CDAN1: variants seen among roughly 807,000 people sequenced by gnomAD.
The protein encoded by CDAN1 is codanin-1.
In CDAN1, 107 loss-of-function variants were observed where a neutral mutation model predicts 139.8. The observed-to-expected ratio is 0.77, with a 90% CI of 0.65 to 0.90. CDAN1 has a LOEUF of 0.90. Ranked by LOEUF, CDAN1 falls within the 40% of genes least tolerant of loss-of-function variation. The pLI is 0.00. For synonymous variants in CDAN1, 776 were observed against 660.6 expected, an observed-to-expected ratio of 1.17 and a Z score of -2.68; for missense variants, 1,667 against 1,575.7, an observed-to-expected ratio of 1.06 and a Z score of -0.98.
intron 6 of CDAN1, 131 bp from the exon 7 acceptor site, chr15:42,734,477 A>T: frequency 9.0e-7 from 1 of 1,107,908 alleles, no homozygotes; most frequent in Non-Finnish European, 1.3e-6. Flanking sequence ...CTGCAAGGTC[A>T]TGGGCCAAGG....
chr15:42,736,271 A>G, intron 2 of CDAN1, 31 bp downstream of exon 2: 1 of 1,612,486 alleles, frequency 6.2e-7, no homozygotes. Context: ...CCTTCGTGGT[A>G]CCCATCTCCT....
rs937231408 is a variant in CDAN1, at chr15:42,736,531, G to T, written c.340C>A (p.Pro114Thr). Residue 114 changes from proline (P) to threonine (T), a missense_variant, in exon 2 of 28, where the codon CCT becomes ACT. Physicochemically the swap from Pro to Thr is conservative, Grantham distance 38 (BLOSUM62 -1). This residue lies in a region of CDAN1 where 487 missense variants were observed against 422.2 expected (regional missense o/e 1.15). Coordinates refer to ENST00000356231, the MANE Select transcript of CDAN1 (RefSeq NM_138477.4). Reference sequence around the variant, plus strand: ...CTCCTGCCCCCGCGGCGGGCCAGAGGGGCCTCGGCAGCGGTGCTCTGGGCC... The same window carrying T: ...CTCCTGCCCCCGCGGCGGGCCAGAGTGGCCTCGGCAGCGGTGCTCTGGGCC... ...TEAQSTAAEA[P>T]LARRGGRRRG... 4.8e-6 allele frequency: 7 copies of T among 1,452,570 alleles called. No homozygotes were observed. The highest frequency in any genetic ancestry group is 6.3e-6 in the Non-Finnish European group (7 of 1,104,406). The allele number at this position is 1,452,570 out of a possible 1,614,324, so 90.0% of individuals were successfully genotyped here. A position where few individuals can be genotyped will look rare whatever the true frequency, so the allele number is the denominator to read the frequency against.
chr15:42,724,678 T>C, intron 27 of CDAN1, 62 bp from the exon 28 acceptor site: 1 of 1,539,374 alleles, frequency 6.5e-7, no homozygotes, highest in Non-Finnish European at 8.8e-7. Context: ...GGCTCATCCT[T>C]TGTCACTAAA....
intron 9 of CDAN1, among the ~76,000 whole-genome samples, chr15:42,732,815 C>CAA (rs11448522): frequency 1.1e-4 from 17 of 151,856 alleles, no homozygotes; most frequent in Non-Finnish European, 1.9e-4. Flanking sequence ...TGACTTGGGC[C>CAA]AAAAAAACCT....
chr15:42,725,071 T>G, intron 27 of CDAN1, 73 bp downstream of exon 27: 20 of 1,292,788 alleles, frequency 1.5e-5, no homozygotes, highest in Non-Finnish European at 2.2e-5. Flanking sequence ...GCCCCATCAC[T>G]TGCTTCCTTT....
chr15:42,728,099 CGAGCACT>C, intron 21 of CDAN1, 66 bp from the exon 22 acceptor site: 2 of 1,587,212 alleles, frequency 1.3e-6, no homozygotes, highest in Non-Finnish European at 1.7e-6. Context: ...ATGCCAGAGT[CGAGCACT>C]GACCCCGCCC....
rs765741819 is a variant in CDAN1 at position 42,731,762 on chromosome 15, T to C, written c.1597A>G (p.Met533Val). ...CGCCCCAGCTTGTCAGCTCCCAGCA[T>C]ACTCAACACATCTGGGGCCTCGCCC... The part of the protein sequence containing the change: ...VLGEAPDVLS[M>V]LGADKLGRLW... The change falls in exon 11 of 28, where the codon ATG (methionine) becomes GTG (valine). Residue 533 changes from methionine (M) to valine (V), a missense_variant. Around this residue, in one of 3 missense-constraint regions of CDAN1, gnomAD observed 244 missense variants for 309.4 expected, o/e 0.79. Transcript: ENST00000356231. 6 of 1,614,006 alleles carry C rather than the reference T, an allele frequency of 3.7e-6. No homozygotes were observed. The highest frequency in any genetic ancestry group is 5.1e-6 in the Non-Finnish European group (6 of 1,180,048).
At chr15:42,731,461 C>T (rs2061610652) in intron 11 of CDAN1, 130 bp from the exon 12 acceptor site, 1 of 1,454,412 alleles carries the variant, frequency 6.9e-7, no homozygotes, top group Non-Finnish European at 9.6e-7. Flanking sequence ...TGAAATCACC[C>T]ACGTGGGTGA....
At chr15:42,730,814 G>T in intron 13 of CDAN1, 50 bp from the exon 14 acceptor site, 1 of 1,612,942 alleles carries the variant, frequency 6.2e-7, no homozygotes, top group South Asian at 1.1e-5. Flanking sequence ...GAAGGGCTGG[G>T]AGATGCCCTT....
At chr15:42,732,449 G>A (rs373093211) in intron 9 of CDAN1, 41 bp from the exon 10 acceptor site, 7 of 1,573,848 alleles carry the variant, frequency 4.4e-6, no homozygotes, top group Non-Finnish European at 6.1e-6. Flanking sequence ...TGGAAAGGAG[G>A]GAGAGGGAGA....
chr15:42,724,670 C>G (rs996966290), intron 27 of CDAN1, 54 bp from the exon 28 acceptor site: 6 of 1,544,714 alleles, frequency 3.9e-6, no homozygotes, highest in African/African-American at 2.8e-5. Context: ...TTCTCAATGG[C>G]TCATCCTTTG....
At position 42,725,605 on chromosome 15, in the gene CDAN1, T is replaced by G. The variant is rs1398090227; in HGVS notation, c.3334A>C (p.Arg1112=). Residue 1112 remains arginine (R), a synonymous_variant, in exon 26 of 28, where the codon AGG becomes CGG. Coordinates refer to ENST00000356231, the MANE Select transcript of CDAN1 (RefSeq NM_138477.4). ...QYRLERGQAR[R]LLHMLLSLWK... ...AAGGAAAGCAGCATGTGCAGAAGCC[T>G]TCGAGCCTGCCCTCTCTCCAGCCTG... 4 of 1,614,110 alleles carry G rather than the reference T, an allele frequency of 2.5e-6. No individual in the cohort carries two copies. Among genetic ancestry groups the G allele is most frequent in the East Asian group, 2.2e-5 (1 of 44,868 alleles).
chr15:42,726,493 T>A, intron 23 of CDAN1, 76 bp from the exon 24 acceptor site: 1 of 1,184,232 alleles, frequency 8.4e-7, no homozygotes, highest in Non-Finnish European at 1.2e-6. Context: ...GGGACAGGGA[T>A]CAGCCAGTGG....
chr15:42,728,099 C>T (rs556046335), intron 21 of CDAN1, 66 bp from the exon 22 acceptor site: 29 of 1,587,092 alleles, frequency 1.8e-5, no homozygotes, highest in Middle Eastern at 1.7e-4. Flanking sequence ...ATGCCAGAGT[C>T]GAGCACTGAC....
Position 42,736,724 on chromosome 15 carries a change from G to A in CDAN1, c.147C>T (p.Phe49=). Residue 49 remains phenylalanine (F), a synonymous_variant, in exon 2 of 28, where the codon TTC becomes TTT. Coordinates refer to ENST00000356231, the MANE Select transcript of CDAN1 (RefSeq NM_138477.4). ...TCAGGAAGTTCAACAGGAACGGTAC[G>A]AATTCTTTCCGCAGGGCCCGGAGTG... The part of the protein sequence containing the change: ...LSSLRALRKE[F]VPFLLNFLRE... 6.4e-7 allele frequency: 1 copy of A among 1,561,442 alleles called. No homozygotes were observed.
chr15:42,730,542 G>T, intron 14 of CDAN1, 56 bp downstream of exon 14: 2 of 1,593,704 alleles, frequency 1.3e-6, no homozygotes, highest in South Asian at 2.2e-5. Context: ...TAGCAGGCTT[G>T]ACCAATGTCC....
chr15:42,725,726 C>T (rs2061517342), intron 25 of CDAN1, 56 bp from the exon 26 acceptor site: 1 of 1,568,274 alleles, frequency 6.4e-7, no homozygotes, highest in Admixed American at 1.7e-5. Context: ...GGTGCGGTGA[C>T]TCACACCTAT....
chr15:42,726,873 G>A (rs898368363), intron 23 of CDAN1: 4 of 188,676 alleles, frequency 2.1e-5, no homozygotes, highest in African/African-American at 7.1e-5. Flanking sequence ...TGGCCACTAA[G>A]CCTCTTCCTC....
At chr15:42,727,463 A>T (rs1325152059) in intron 23 of CDAN1, among the ~76,000 whole-genome samples, 158 bp downstream of exon 23, 7 of 152,230 alleles carry the variant, frequency 4.6e-5, no homozygotes, top group Non-Finnish European at 7.3e-5. Flanking sequence ...GCTCTGCCCT[A>T]CCTAACCCCC....
Sources: allele counts gnomAD v4.1 joint callset (sites outside exome capture counted in the v4.1 genomes callset), GRCh38; gene constraint gnomAD v4.1.1; regional missense constraint gnomAD v4.1.1; transcripts MANE v1.5; gene names NCBI Gene and HGNC (gene_info 2026-07-23, HGNC 2026-07-21).